The following NCOA2 variants were observed in gnomAD, a reference collection of about 807,000 sequenced individuals.
NCOA2 encodes the protein class E basic helix-loop-helix protein 75.
Under a neutral mutation model 145.1 loss-of-function variants are expected in NCOA2, and 21 were observed. The observed-to-expected ratio is 0.14, with a 90% CI of 0.10 to 0.21. The LOEUF (loss-of-function observed/expected upper bound fraction) is 0.21. Among genes scored for constraint, NCOA2 ranks in the 10% least tolerant of loss-of-function variants. The pLI, the probability that NCOA2 is intolerant of heterozygous loss-of-function variation, is 1.00. For synonymous variants in NCOA2, 619 were observed against 637.5 expected, an observed-to-expected ratio of 0.97 and a Z score of 0.44; for missense variants, 1,472 against 1,837.6, an observed-to-expected ratio of 0.80 and a Z score of 3.64.
intron 13 of NCOA2, among the ~76,000 whole-genome samples, chr8:70,142,726 AG>A (rs899042277): frequency 1.4e-4 from 21 of 152,146 alleles, no homozygotes; most frequent in Non-Finnish European, 2.5e-4. Context: ...AAAAGTTAGA[AG>A]GGTATTCTAT....
chr8:70,121,522 G>A (rs1807817394), intron 21 of NCOA2, 131 bp from the exon 22 acceptor site: 1 of 656,132 alleles, frequency 1.5e-6, no homozygotes, highest in Non-Finnish European at 2.7e-6. Context: ...GCAGAACAAT[G>A]GCCTCATCCT....
chr8:70,286,348 T>G (rs1287242369), intron 2 of NCOA2, among the ~76,000 whole-genome samples: 2 of 152,174 alleles, frequency 1.3e-5, no homozygotes, highest in African/African-American at 4.8e-5. Context: ...GCCACTGCAC[T>G]CCAGTCTGGT....
At chr8:70,267,288 C>T (rs548230229) in intron 2 of NCOA2, among the ~76,000 whole-genome samples, 61 of 152,072 alleles carry the variant, frequency 4.0e-4, no homozygotes, top group African/African-American at 5.1e-4. Flanking sequence ...AAGCATGCCT[C>T]GCACTCATTC....
chr8:70,283,352 A>G (rs1826019506), intron 2 of NCOA2, among the ~76,000 whole-genome samples: 1 of 152,226 alleles, frequency 6.6e-6, no homozygotes, highest in Non-Finnish European at 1.5e-5. Context: ...TGCATTTAAA[A>G]TGGTCATTGA....
intron 2 of NCOA2, among the ~76,000 whole-genome samples, chr8:70,257,178 A>C (rs1210847254): frequency 6.6e-6 from 1 of 152,182 alleles, no homozygotes; most frequent in African/African-American, 2.4e-5. Context: ...TTGAGTCCCA[A>C]ATCCTTGGTT....
At chr8:70,169,919 T>TCATCAC (rs1481726659) in intron 6 of NCOA2, among the ~76,000 whole-genome samples, 3 of 151,534 alleles carry the variant, frequency 2.0e-5, no homozygotes, top group African/African-American at 7.3e-5. Context: ...ATCATCATCA[T>TCATCAC]CATCACTTCT....
At chr8:70,119,505 G>A (rs1807538852) in intron 22 of NCOA2, among the ~76,000 whole-genome samples, 1 of 152,176 alleles carries the variant, frequency 6.6e-6, no homozygotes, top group Admixed American at 6.5e-5. Flanking sequence ...ATTGTGAATA[G>A]TGCTGCAATA....
At chr8:70,187,634 T>C (rs1816223475) in intron 4 of NCOA2, among the ~76,000 whole-genome samples, 1 of 152,206 alleles carries the variant, frequency 6.6e-6, no homozygotes, top group Non-Finnish European at 1.5e-5. Context: ...ATCATCCATA[T>C]AGGCCATAGA....
At chr8:70,220,187 C>T (rs1820020363) in intron 2 of NCOA2, among the ~76,000 whole-genome samples, 1 of 152,150 alleles carries the variant, frequency 6.6e-6, no homozygotes, top group Non-Finnish European at 1.5e-5. Flanking sequence ...TCTAAAATTT[C>T]ATTTGGTGAC....
At chr8:70,435,929 G>A in the NCOA2 span, among the ~76,000 whole-genome samples, 2 of 152,094 alleles carry the variant, frequency 1.3e-5, no homozygotes, top group African/African-American at 4.8e-5. Flanking sequence ...CTCCTGAGTA[G>A]CTAGGACTAC....
At chr8:70,393,565 G>A (rs866096116) in intron 1 of NCOA2, among the ~76,000 whole-genome samples, 1 of 151,854 alleles carries the variant, frequency 6.6e-6, no homozygotes, top group African/African-American at 2.4e-5. Flanking sequence ...AGAGGAGGCA[G>A]GGAACAGCTG....
intron 2 of NCOA2, among the ~76,000 whole-genome samples, chr8:70,295,562 C>T (rs1047731936): frequency 4.6e-5 from 7 of 152,134 alleles, no homozygotes; most frequent in African/African-American, 1.4e-4. Flanking sequence ...TTTGGATACA[C>T]AAAATATCTA....
chr8:70,402,720 G>C (rs1814430647), intron 1 of NCOA2: 1 of 152,228 alleles, frequency 6.6e-6, no homozygotes, highest in African/African-American at 2.4e-5. Flanking sequence ...GCGGAGAGAA[G>C]GGGGCGAGAA....
At chr8:70,166,525 A>G in intron 7 of NCOA2, 41 bp downstream of exon 7, 1 of 1,603,638 alleles carries the variant, frequency 6.2e-7, no homozygotes, top group Non-Finnish European at 8.5e-7. Context: ...CACAGGAATA[A>G]ATACACAGAC....
upstream of NCOA2, among the ~76,000 whole-genome samples, chr8:70,405,914 A>G (rs148991614): frequency 1.8e-4 from 27 of 152,362 alleles, no homozygotes; most frequent in East Asian, 3.1e-3. Context: ...GTCTGACAGC[A>G]TAGTAGATGA....
the NCOA2 span, among the ~76,000 whole-genome samples, chr8:70,450,570 A>ATTTTTTT: frequency 5.7e-4 from 35 of 61,098 alleles, no homozygotes; most frequent in South Asian, 2.1e-3. Context: ...ACTTCTTTTT[A>ATTTTTTT]TTCTTTTTTT....
At chr8:70,159,242 A>ATATATATATATATATTTT in intron 10 of NCOA2, among the ~76,000 whole-genome samples, 5 of 61,076 alleles carry the variant, frequency 8.2e-5, no homozygotes, top group African/African-American at 2.2e-4. Context: ...ATATATATAT[A>ATATATATATATATATTTT]TTTTTTTTTT....
At chr8:70,438,410 A>C in the NCOA2 span, among the ~76,000 whole-genome samples, 1 of 152,160 alleles carries the variant, frequency 6.6e-6, no homozygotes, top group East Asian at 1.9e-4. Context: ...TTAATCATTA[A>C]ATTATCTTAT....
At chr8:70,407,850 A>C (rs952054194), upstream of NCOA2, among the ~76,000 whole-genome samples, 4 of 152,148 alleles carry the variant, frequency 2.6e-5, no homozygotes, top group African/African-American at 9.7e-5. Context: ...TAAATGAATG[A>C]ATGGGCTCCC....
Sources: gnomAD v4.1 joint callset for allele counts (sites outside exome capture counted in the v4.1 genomes callset) on GRCh38, gnomAD v4.1.1 for gene constraint, MANE v1.5 for transcripts, NCBI Gene and HGNC (gene_info 2026-07-23, HGNC 2026-07-21) for gene names.